VPS13A: variants seen among roughly 807,000 people sequenced by gnomAD.
VPS13A encodes intermembrane lipid transfer protein VPS13A.
VPS13A carries 264 observed loss-of-function variants against 390.9 expected under a neutral mutation model. The observed-to-expected ratio is 0.68, with a 90% CI of 0.61 to 0.75. The LOEUF is 0.75. Ranked by LOEUF, VPS13A falls within the 30% of genes least tolerant of loss-of-function variation. VPS13A has a pLI of 0.00. For missense variants in VPS13A, 3,409 were observed against 3,733.9 expected (o/e 0.91, Z 2.27); for synonymous variants, 1,231 against 1,227.1 (o/e 1.00, Z -0.07).
At chr9:77,403,776 G>A (rs563133119) in intron 69 of VPS13A, among the ~76,000 whole-genome samples, 2 of 152,256 alleles carry the variant, frequency 1.3e-5, no homozygotes, top group Admixed American at 1.3e-4. Context: ...GACAGTGGAG[G>A]GGTACATGTA....
rs376571897 is a variant in VPS13A, at chr9:77,195,459, C to T, written c.101-4486C>T. 6.6e-5 allele frequency among the ~76,000 whole-genome samples: 10 copies of T among 151,812 alleles called. No individual in the cohort carries two copies. The East Asian group carries it at 9.9e-4, about 15-fold the overall frequency. ...TTTAGAAAACTAACAGTCGGTGTCC[C>T]GGTGCAGTGGCTCACGCCTGTAATC... On this transcript the variant is annotated intron_variant, in intron 1 of 71. Coordinates refer to ENST00000360280, the MANE Select transcript of VPS13A (RefSeq NM_033305.3).
chr9:77,401,329 TTGTGTGTGTGTGTGTGTGTGTGTGTG>T (rs4012461), intron 68 of VPS13A, among the ~76,000 whole-genome samples: 52 of 140,520 alleles, frequency 3.7e-4, no homozygotes, highest in South Asian at 2.7e-3. Flanking sequence ...TCACATGAAG[TTGTGTGTGTGTGTGTGTGTGTGTGTG>T]TGTGTGTGTG....
chr9:77,420,493 T>G lies in VPS13A; in HGVS notation c.*4487T>G, dbSNP rs1356220013. ...ATGGCATTTTCAAAAAAAAAATTAT[T>G]TTGGTTACCCAAAAAGCTATACAAG... On this transcript the variant is annotated 3_prime_UTR_variant, in exon 72 of 72. Transcript: ENST00000360280. The G allele has an allele frequency of 6.6e-6, 1 of 152,210 alleles. No individual in the cohort carries two copies. The highest frequency in any genetic ancestry group is 1.5e-5 in the Non-Finnish European group (1 of 68,034). The allele number at this position is 152,210 out of a possible 1,614,324, so 9.4% of individuals were successfully genotyped here. A position where few individuals can be genotyped will look rare whatever the true frequency, so the allele number is the denominator to read the frequency against.
intron 36 of VPS13A, 146 bp from the exon 37 acceptor site, chr9:77,314,349 A>G: frequency 1.1e-6 from 1 of 939,674 alleles, no homozygotes; most frequent in Non-Finnish European, 1.6e-6. Flanking sequence ...ATATGTATAT[A>G]TTTTTAGCCT....
chr9:77,322,784 G>T (rs968925198), intron 44 of VPS13A, among the ~76,000 whole-genome samples: 2 of 152,028 alleles, frequency 1.3e-5, no homozygotes, highest in African/African-American at 4.8e-5. Flanking sequence ...GCAAACCAGA[G>T]ATCAGTATTC....
At chr9:77,399,969 GTTTT>G (rs150403451) in intron 68 of VPS13A, among the ~76,000 whole-genome samples, 2,430 of 152,136 alleles carry the variant, frequency 0.016, 64 homozygotes, top group African/African-American at 0.054. Flanking sequence ...GTATGCACAG[GTTTT>G]TTATGACTTC....
chr9:77,263,460 CATT>C (rs972870904), intron 23 of VPS13A, among the ~76,000 whole-genome samples: 21 of 152,216 alleles, frequency 1.4e-4, no homozygotes, highest in South Asian at 8.3e-4. Flanking sequence ...GATGGTATCT[CATT>C]GTTGTTTTGA....
At chr9:77,221,726 A>G (rs1311946093) in intron 13 of VPS13A, among the ~76,000 whole-genome samples, 2 of 152,080 alleles carry the variant, frequency 1.3e-5, no homozygotes, top group African/African-American at 4.8e-5. Context: ...TTACAATCTG[A>G]CCATGCACTA....
intron 26 of VPS13A, 87 bp downstream of exon 26, chr9:77,276,308 T>G: frequency 8.1e-7 from 1 of 1,232,432 alleles, no homozygotes; most frequent in South Asian, 1.6e-5. Context: ...AGGCTCTGAA[T>G]CAGTACATTT....
At chr9:77,201,003 G>A (rs983024814) in intron 2 of VPS13A, among the ~76,000 whole-genome samples, 6 of 151,990 alleles carry the variant, frequency 3.9e-5, no homozygotes, top group Admixed American at 1.3e-4. Context: ...TACAAAACGC[G>A]TATTTTGCAA....
At chr9:77,293,543 C>G in intron 32 of VPS13A, 35 bp downstream of exon 32, 1 of 1,229,760 alleles carries the variant, frequency 8.1e-7, no homozygotes, top group African/African-American at 1.6e-5. Context: ...TTATTTTATA[C>G]TAATTGGAAA....
intron 65 of VPS13A, 45 bp downstream of exon 65, chr9:77,370,623 TAAAC>T (rs747711533): frequency 4.3e-6 from 7 of 1,611,226 alleles, no homozygotes; most frequent in Non-Finnish European, 5.9e-6. Context: ...AAATATCTTT[TAAAC>T]AAACCTACAT....
chr9:77,197,843 G>T (rs914920463), intron 1 of VPS13A, among the ~76,000 whole-genome samples: 1 of 152,186 alleles, frequency 6.6e-6, no homozygotes, highest in Non-Finnish European at 1.5e-5. Context: ...TGTCTCAGCT[G>T]CCCATGTGGA....
chr9:77,317,755 C>A, intron 40 of VPS13A, 57 bp downstream of exon 40: 1 of 1,334,024 alleles, frequency 7.5e-7, no homozygotes, highest in Non-Finnish European at 1.0e-6. Context: ...GTAGTAAAGC[C>A]TAGAAAGTTA....
At chr9:77,339,995 T>G in intron 48 of VPS13A, 84 bp downstream of exon 48, 1 of 1,506,986 alleles carries the variant, frequency 6.6e-7, no homozygotes, top group Non-Finnish European at 9.0e-7. Context: ...ATAAATATTA[T>G]GAAACTTGGA....
chr9:77,365,169 T>G (rs1832366876), intron 59 of VPS13A, among the ~76,000 whole-genome samples: 1 of 151,484 alleles, frequency 6.6e-6, no homozygotes, highest in Non-Finnish European at 1.5e-5. Context: ...CCCAAGAGAG[T>G]GTTGATGGTA....
intron 19 of VPS13A, among the ~76,000 whole-genome samples, chr9:77,244,524 A>G (rs1219183127): frequency 6.6e-6 from 1 of 152,162 alleles, no homozygotes; most frequent in African/African-American, 2.4e-5. Context: ...GGAGGGTTCT[A>G]GGGGCAGAAT....
chr9:77,411,973 C>CAAAT (rs955914901), intron 71 of VPS13A, among the ~76,000 whole-genome samples: 14 of 152,204 alleles, frequency 9.2e-5, no homozygotes, highest in Admixed American at 3.9e-4. Flanking sequence ...CACCTCTATG[C>CAAAT]AAATAAACTA....
intron 17 of VPS13A, among the ~76,000 whole-genome samples, chr9:77,229,088 AT>A (rs1343790020): frequency 3.3e-5 from 5 of 151,570 alleles, no homozygotes; most frequent in African/African-American, 4.9e-5. Flanking sequence ...TATTTTATTT[AT>A]TTTTTTTGAG....
Sources: allele counts gnomAD v4.1 joint callset (sites outside exome capture counted in the v4.1 genomes callset), GRCh38; gene constraint gnomAD v4.1.1; transcripts MANE v1.5; gene names NCBI Gene and HGNC (gene_info 2026-07-23, HGNC 2026-07-21).